The following RSRC1 variants were observed in gnomAD, a reference collection of about 807,000 sequenced individuals.
The protein encoded by RSRC1 is serine/Arginine-related protein 53.
A neutral mutation model predicts 49.1 loss-of-function variants in RSRC1; 39 were observed. The ratio of observed to expected loss-of-function variants is 0.79; its 90% confidence interval spans 0.61 to 1.04. The LOEUF is 1.04. Among genes scored for constraint, RSRC1 ranks in the 50% least tolerant of loss-of-function variants. RSRC1 has a pLI of 0.00. For missense variants in RSRC1, 388 were observed against 402.4 expected (o/e 0.96, Z 0.31); for synonymous variants, 143 against 130.8 (o/e 1.09, Z -0.63).
At chr3:158,371,547 G>A (rs1332337303) in intron 6 of RSRC1, among the ~76,000 whole-genome samples, 1 of 151,794 alleles carries the variant, frequency 6.6e-6, no homozygotes, top group Non-Finnish European at 1.5e-5. Flanking sequence ...TATCCACGTT[G>A]TTGCATGTAT....
intron 6 of RSRC1, among the ~76,000 whole-genome samples, chr3:158,400,346 TAATA>T (rs1733835063): frequency 6.6e-6 from 1 of 152,142 alleles, no homozygotes; most frequent in South Asian, 2.1e-4. Flanking sequence ...TTGATACTGA[TAATA>T]AATGTTACTG....
At chr3:158,347,903 A>G (rs1289542165) in intron 5 of RSRC1, among the ~76,000 whole-genome samples, 3 of 152,066 alleles carry the variant, frequency 2.0e-5, no homozygotes, top group African/African-American at 7.2e-5. Flanking sequence ...AATTTTTGTG[A>G]TTACGTAGTA....
intron 6 of RSRC1, among the ~76,000 whole-genome samples, chr3:158,369,809 A>G (rs1731969620): frequency 6.6e-6 from 1 of 152,100 alleles, no homozygotes; most frequent in Non-Finnish European, 1.5e-5. Flanking sequence ...ACTAGAATAT[A>G]TATTTTTAGA....
chr3:158,334,559 C>A (rs1325481078), intron 5 of RSRC1, among the ~76,000 whole-genome samples: 1 of 151,164 alleles, frequency 6.6e-6, no homozygotes, highest in Non-Finnish European at 1.5e-5. Flanking sequence ...CAGCTCACTG[C>A]AACCTCCGAC....
At chr3:158,503,580 G>A (rs1018837637) in intron 7 of RSRC1, among the ~76,000 whole-genome samples, 1 of 152,136 alleles carries the variant, frequency 6.6e-6, no homozygotes, top group Admixed American at 6.5e-5. Context: ...GTTGGAGATG[G>A]GGGTGAAGTT....
chr3:158,511,740 CAG>C (rs1210474301), intron 7 of RSRC1, among the ~76,000 whole-genome samples: 2 of 152,266 alleles, frequency 1.3e-5, no homozygotes, highest in Non-Finnish European at 1.5e-5. Context: ...GTCCCACCAA[CAG>C]TGTAAAAGTG....
At chr3:158,326,426 GT>G (rs553560907) in intron 5 of RSRC1, among the ~76,000 whole-genome samples, 49 of 152,290 alleles carry the variant, frequency 3.2e-4, no homozygotes, top group African/African-American at 1.1e-3. Context: ...CTTATTGAGA[GT>G]TTTTAGCATG....
At chr3:158,147,684 T>C (rs1717230544) in intron 3 of RSRC1, among the ~76,000 whole-genome samples, 1 of 152,224 alleles carries the variant, frequency 6.6e-6, no homozygotes, top group East Asian at 1.9e-4. Context: ...AAGTATTTCC[T>C]GAATGGTATC....
At chr3:158,138,602 C>A (rs537417775) in intron 3 of RSRC1, among the ~76,000 whole-genome samples, 11 of 152,342 alleles carry the variant, frequency 7.2e-5, no homozygotes, top group Middle Eastern at 3.4e-3. Context: ...CACTTAAATG[C>A]AGTCCCTGCT....
At chr3:158,120,417 G>A (rs911407971) in intron 1 of RSRC1, among the ~76,000 whole-genome samples, 1 of 151,624 alleles carries the variant, frequency 6.6e-6, no homozygotes, top group Non-Finnish European at 1.5e-5. Flanking sequence ...TCAGGGAGGG[G>A]CTGGCTCACC....
chr3:158,475,878 G>A (rs1595030), intron 7 of RSRC1, among the ~76,000 whole-genome samples: 79,027 of 151,946 alleles, frequency 0.52, 21,112 homozygotes, highest in African/African-American at 0.64. Flanking sequence ...AAAGCCAGAA[G>A]TGACTAAGCT....
intron 4 of RSRC1, among the ~76,000 whole-genome samples, chr3:158,247,969 G>C (rs1186743841): frequency 6.6e-6 from 1 of 152,164 alleles, no homozygotes; most frequent in African/African-American, 2.4e-5. Flanking sequence ...AGAGAATAGA[G>C]AACCCAGAAA....
At chr3:158,351,358 A>G (rs761796950) in intron 5 of RSRC1, among the ~76,000 whole-genome samples, 1 of 152,252 alleles carries the variant, frequency 6.6e-6, no homozygotes, top group Non-Finnish European at 1.5e-5. Context: ...ATGGGCAAAA[A>G]GTGAGTGAAC....
At chr3:158,327,212 G>A (rs529331659) in intron 5 of RSRC1, among the ~76,000 whole-genome samples, 4 of 152,106 alleles carry the variant, frequency 2.6e-5, no homozygotes, top group Non-Finnish European at 5.9e-5. Context: ...TTTTTGAAGG[G>A]TTTTTTGTGT....
At chr3:158,324,809 CT>C (rs1191365067) in intron 5 of RSRC1, among the ~76,000 whole-genome samples, 1 of 152,226 alleles carries the variant, frequency 6.6e-6, no homozygotes, top group African/African-American at 2.4e-5. Flanking sequence ...AATCGCCACA[CT>C]GTCTTCCACA....
At chr3:158,531,067 C>T (rs950345478) in intron 7 of RSRC1, among the ~76,000 whole-genome samples, 6 of 148,730 alleles carry the variant, frequency 4.0e-5, no homozygotes, top group Non-Finnish European at 8.9e-5. Flanking sequence ...TTCAGTTATT[C>T]AACAAATGTT....
intron 6 of RSRC1, among the ~76,000 whole-genome samples, chr3:158,413,757 G>A (rs1734596143): frequency 6.6e-6 from 1 of 152,124 alleles, no homozygotes; most frequent in Non-Finnish European, 1.5e-5. Context: ...CTGGTCATTA[G>A]AGAAATGCAA....
chr3:158,181,997 A>G (rs1719645853), intron 3 of RSRC1, among the ~76,000 whole-genome samples: 1 of 152,180 alleles, frequency 6.6e-6, no homozygotes, highest in South Asian at 2.1e-4. Flanking sequence ...AATATAATAA[A>G]TAAATTTTAT....
chr3:158,357,562 T>C (rs1285230517), intron 6 of RSRC1, among the ~76,000 whole-genome samples: 1 of 152,158 alleles, frequency 6.6e-6, no homozygotes. Context: ...GATGGATAGG[T>C]AGGGGAAGAG....
Sources: gnomAD v4.1 joint callset for allele counts (sites outside exome capture counted in the v4.1 genomes callset) on GRCh38, gnomAD v4.1.1 for gene constraint, MANE v1.5 for transcripts, NCBI Gene and HGNC (gene_info 2026-07-23, HGNC 2026-07-21) for gene names.